Variants in VAC14 observed in about 807,000 individuals in gnomAD.
The protein encoded by VAC14 is protein VAC14 homolog.
In VAC14, 47 loss-of-function variants were observed where a neutral mutation model predicts 85.3. That is an observed-to-expected ratio of 0.55 (90% CI 0.44 to 0.70). VAC14 has a LOEUF of 0.70. Ranked by LOEUF, VAC14 falls within the 30% of genes least tolerant of loss-of-function variation. The probability of loss-of-function intolerance (pLI) is 0.00; values close to 1 mark genes in which losing one functional copy is unlikely to be tolerated. For missense variants in VAC14, 861 were observed against 1,004.3 expected, an observed-to-expected ratio of 0.86 and a Z score of 1.93; for synonymous variants, 447 against 430.5, an observed-to-expected ratio of 1.04 and a Z score of -0.47.
chr16:70,773,212 G>A (rs1186124074), intron 9 of VAC14: 4 of 152,104 alleles, frequency 2.6e-5, no homozygotes, highest in Admixed American at 1.3e-4. Context: ...TGAATTGTGT[G>A]GTACATGAAT....
chr16:70,702,164 T>G (rs185415242), intron 14 of VAC14, among the ~76,000 whole-genome samples: 29 of 152,356 alleles, frequency 1.9e-4, no homozygotes, highest in African/African-American at 6.7e-4. Context: ...CAGGCCTTTT[T>G]GTGCTGTGCA....
intron 12 of VAC14, among the ~76,000 whole-genome samples, chr16:70,751,201 C>A (rs984883184): frequency 1.3e-5 from 2 of 152,206 alleles, no homozygotes; most frequent in Non-Finnish European, 2.9e-5. Context: ...ACTGACTCAG[C>A]CTTCTAGCTA....
At chr16:70,718,803 CT>C (rs1443218275) in intron 14 of VAC14, among the ~76,000 whole-genome samples, 1 of 152,208 alleles carries the variant, frequency 6.6e-6, no homozygotes, top group Non-Finnish European at 1.5e-5. Context: ...GAGCTTCCCT[CT>C]GGATCATAAC....
chr16:70,731,295 A>G, intron 14 of VAC14, 200 bp downstream of exon 14: 1 of 1,408,076 alleles, frequency 7.1e-7, no homozygotes, highest in Non-Finnish European at 9.2e-7. Context: ...AAACATCAAC[A>G]CTGACCTGTC....
chr16:70,780,668 T>C, intron 9 of VAC14, 122 bp downstream of exon 9: 1 of 1,273,482 alleles, frequency 7.9e-7, no homozygotes, highest in Non-Finnish European at 1.1e-6. Context: ...CTGCTACAAT[T>C]GTGTGAGTGA....
intron 17 of VAC14, among the ~76,000 whole-genome samples, chr16:70,694,842 G>A (rs2053673762): frequency 6.6e-6 from 1 of 152,240 alleles, no homozygotes; most frequent in Admixed American, 6.5e-5. Flanking sequence ...TTCTTTCAGA[G>A]AGGTACAGGC....
At chr16:70,721,580 C>T (rs1482209081) in intron 14 of VAC14, among the ~76,000 whole-genome samples, 1 of 152,044 alleles carries the variant, frequency 6.6e-6, no homozygotes, top group Non-Finnish European at 1.5e-5. Context: ...TGGGAGGGCC[C>T]GGCTTCTCTC....
intron 13 of VAC14, among the ~76,000 whole-genome samples, chr16:70,736,783 G>A (rs988498845): frequency 6.6e-6 from 1 of 152,144 alleles, no homozygotes; most frequent in African/African-American, 2.4e-5. Context: ...AAGACTTTCT[G>A]CCCTCCCCAA....
At chr16:70,750,127 G>C (rs922619607) in intron 12 of VAC14, among the ~76,000 whole-genome samples, 2 of 152,174 alleles carry the variant, frequency 1.3e-5, no homozygotes, top group Admixed American at 6.5e-5. Context: ...TCAAGGCCTG[G>C]AGGAAAGGCC....
At chr16:70,786,142 G>A in intron 2 of VAC14, 73 bp downstream of exon 2, 5 of 1,568,774 alleles carry the variant, frequency 3.2e-6, no homozygotes, top group Non-Finnish European at 4.3e-6. Flanking sequence ...GTCTTGACAG[G>A]GAAGGCATCG....
Position 70,690,139 on chromosome 16 carries a change from G to A in VAC14, c.2187-2049C>T, listed in dbSNP as rs1004314233. ...TGGCGTCGGTGTGGCAGGGTTGGTC[G>A]GGGTGGGAAGAGTGGGCCACATCTG... On this transcript the variant is annotated intron_variant, in intron 18 of 18. Transcript: ENST00000261776. 5.1e-6 allele frequency: 5 copies of A among 985,580 alleles called. No individual in the cohort carries two copies. The African/African-American group carries it at 5.2e-5, about 10-fold the overall frequency. The allele number at this position is 985,580 out of a possible 1,614,324, so 61.1% of individuals were successfully genotyped here. A position where few individuals can be genotyped will look rare whatever the true frequency, so the allele number is the denominator to read the frequency against.
intron 18 of VAC14, chr16:70,689,408 G>C: frequency 1.0e-6 from 1 of 985,360 alleles, no homozygotes; most frequent in Non-Finnish European, 1.2e-6. Context: ...CCCCCAAAAC[G>C]AACTCTTGGC....
Position 70,744,442 on chromosome 16 carries a change from G to A in VAC14, c.1509C>T (p.Ala503=), listed in dbSNP as rs369070551. The change falls in exon 13 of 19, where the codon GCC becomes GCT. Residue 503 remains alanine, a synonymous_variant. Transcript: ENST00000261776. The stretch of plus-strand genomic sequence containing the variant: ...ACTTACCAGAGGTGTTCAGTAGGCC[G>A]GCTCTGCCAGGGGTGGGCACCTGGA... ...SELQVPTPGR[A]GLLNTSGTKG... is the part of the protein sequence containing the mutation. 1.5e-5 allele frequency: 24 copies of A among 1,613,938 alleles called. No individual in the cohort carries two copies. The highest frequency in any genetic ancestry group is 1.1e-4 in the South Asian group (10 of 91,090).
chr16:70,706,244 G>C (rs956303625), intron 14 of VAC14, among the ~76,000 whole-genome samples: 1 of 152,220 alleles, frequency 6.6e-6, no homozygotes, highest in Non-Finnish European at 1.5e-5. Context: ...TGGGTGACTG[G>C]GCAGGTAGTC....
chr16:70,726,019 C>T (rs756001019), intron 14 of VAC14, among the ~76,000 whole-genome samples: 16 of 152,392 alleles, frequency 1.0e-4, no homozygotes, highest in Middle Eastern at 3.4e-3. Context: ...GCCGTGTTGG[C>T]AGGCAGAGCG....
intron 13 of VAC14, among the ~76,000 whole-genome samples, chr16:70,739,927 T>C (rs2030097955): frequency 6.6e-6 from 1 of 152,206 alleles, no homozygotes; most frequent in Non-Finnish European, 1.5e-5. Context: ...CTTGGACCAC[T>C]GAGCCCCGCA....
intron 1 of VAC14, 28 bp from the exon 2 acceptor site, chr16:70,786,393 G>A (rs1177346213): frequency 1.2e-6 from 2 of 1,608,336 alleles, no homozygotes; most frequent in South Asian, 2.2e-5. Context: ...AGGGGCTGTG[G>A]GAATCAGGCT....
chr16:70,713,357 A>T (rs1185214799), intron 14 of VAC14, among the ~76,000 whole-genome samples: 1 of 152,218 alleles, frequency 6.6e-6, no homozygotes, highest in Non-Finnish European at 1.5e-5. Context: ...GGGTCTGAGG[A>T]TGGAAACGCT....
At chr16:70,729,900 G>A (rs2054540118) in intron 14 of VAC14, among the ~76,000 whole-genome samples, 1 of 152,204 alleles carries the variant, frequency 6.6e-6, no homozygotes, top group South Asian at 2.1e-4. Flanking sequence ...CCCCCTTGGA[G>A]AGCCTGGTAC....
Sources: allele counts gnomAD v4.1 joint callset (sites outside exome capture counted in the v4.1 genomes callset), GRCh38; gene constraint gnomAD v4.1.1; transcripts MANE v1.5; gene names NCBI Gene and HGNC (gene_info 2026-07-23, HGNC 2026-07-21).